Variants in UBA2 observed in about 807,000 individuals in gnomAD.
UBA2 encodes the protein ubiquitin like modifier activating enzyme 2.
In UBA2, 11 loss-of-function variants were observed where a neutral mutation model predicts 77.2. The ratio of observed to expected loss-of-function variants is 0.14; its 90% CI spans 0.09 to 0.24. UBA2 has a LOEUF of 0.24. Among genes scored for constraint, UBA2 ranks in the 10% least tolerant of loss-of-function variants. The pLI, the probability that UBA2 is intolerant of heterozygous loss-of-function variation, is 1.00. For synonymous variants in UBA2, 278 were observed against 276.7 expected, an observed-to-expected ratio of 1.00 and a Z score of -0.05; for missense variants, 487 against 781.7, an observed-to-expected ratio of 0.62 and a Z score of 4.50.
chr19:34,454,201 A>G, intron 10 of UBA2, 59 bp from the exon 11 acceptor site: 1 of 1,372,194 alleles, frequency 7.3e-7, no homozygotes, highest in Non-Finnish European at 1.0e-6. Context: ...TTCTGAAAGT[A>G]ATGCTTCAAA....
At chr19:34,448,323 T>C (rs1599911360) in intron 8 of UBA2, among the ~76,000 whole-genome samples, 1 of 152,106 alleles carries the variant, frequency 6.6e-6, no homozygotes, top group East Asian at 1.9e-4. Context: ...GGCTGGGCAC[T>C]GTGGCTTACA....
At chr19:34,434,083 T>TA in intron 4 of UBA2, among the ~76,000 whole-genome samples, 1 of 152,244 alleles carries the variant, frequency 6.6e-6, no homozygotes, top group South Asian at 2.1e-4. Flanking sequence ...GGGCCAGAAA[T>TA]ATCTAAATAA....
chr19:34,446,099 A>G (rs2075427409), intron 8 of UBA2, among the ~76,000 whole-genome samples: 2 of 151,826 alleles, frequency 1.3e-5, no homozygotes, highest in South Asian at 4.2e-4. Context: ...TTCAAGTCTC[A>G]AACTCCTGGG....
intron 7 of UBA2, 129 bp from the exon 8 acceptor site, chr19:34,444,871 C>T: frequency 1.1e-6 from 1 of 921,886 alleles, no homozygotes; most frequent in Non-Finnish European, 1.6e-6. Flanking sequence ...TTTTCTTATT[C>T]CTTGAACTCA....
At chr19:34,442,285 G>T (rs779763810) in intron 6 of UBA2, among the ~76,000 whole-genome samples, 1 of 152,102 alleles carries the variant, frequency 6.6e-6, no homozygotes, top group Non-Finnish European at 1.5e-5. Flanking sequence ...TTTTTCACTC[G>T]AAGGGAAACC....
intron 6 of UBA2, among the ~76,000 whole-genome samples, chr19:34,439,448 A>C (rs780144465): frequency 1.3e-5 from 2 of 152,236 alleles, no homozygotes; most frequent in Non-Finnish European, 2.9e-5. Context: ...ACAGATTTAC[A>C]TACATGAAGA....
chr19:34,454,168 AT>A, intron 10 of UBA2, 91 bp from the exon 11 acceptor site: 4 of 1,149,446 alleles, frequency 3.5e-6, no homozygotes, highest in African/African-American at 1.5e-5. Context: ...AGTCTATAGT[AT>A]TATAAACACG....
intron 15 of UBA2, 109 bp from the exon 16 acceptor site, chr19:34,466,769 C>A: frequency 2.6e-6 from 2 of 769,232 alleles, no homozygotes; most frequent in South Asian, 3.2e-5. Flanking sequence ...AATTAGAATC[C>A]ACATATTTGG....
At chr19:34,460,276 G>A (rs2075616513) in intron 13 of UBA2, among the ~76,000 whole-genome samples, 194 bp from the exon 14 acceptor site, 1 of 152,196 alleles carries the variant, frequency 6.6e-6, no homozygotes, top group Admixed American at 6.6e-5. Context: ...ATCTGCATCA[G>A]TGGTCAGATG....
intron 15 of UBA2, among the ~76,000 whole-genome samples, chr19:34,465,723 G>T (rs1369261279): frequency 6.6e-6 from 1 of 152,060 alleles, no homozygotes; most frequent in African/African-American, 2.4e-5. Context: ...AGTCAAAGTG[G>T]TCCTGCTTCA....
At chr19:34,442,420 A>G (rs527873812) in intron 6 of UBA2, among the ~76,000 whole-genome samples, 56 of 152,298 alleles carry the variant, frequency 3.7e-4, no homozygotes, top group Non-Finnish European at 6.9e-4. Flanking sequence ...AATAAAAAAT[A>G]CCATTAAGTA....
intron 2 of UBA2, 104 bp downstream of exon 2, chr19:34,430,763 C>G (rs1415607669): frequency 1.3e-6 from 1 of 781,138 alleles, no homozygotes; most frequent in African/African-American, 1.7e-5. Flanking sequence ...GGGTGAAGCT[C>G]TCATTTCAGC....
chr19:34,440,593 T>A (rs529440164), intron 6 of UBA2, among the ~76,000 whole-genome samples: 1 of 152,266 alleles, frequency 6.6e-6, no homozygotes, highest in African/African-American at 2.4e-5. Context: ...CTAGTCAGTC[T>A]CACACCTAAA....
At chr19:34,447,469 A>G (rs890680565) in intron 8 of UBA2, among the ~76,000 whole-genome samples, 14 of 152,252 alleles carry the variant, frequency 9.2e-5, no homozygotes, top group Non-Finnish European at 1.2e-4. Flanking sequence ...GGTCAACAGC[A>G]GTATCTTCCA....
rs1477126434 is a variant in UBA2 at position 34,444,078 on chromosome 19, G to A, written c.649+167G>A. Among the ~76,000 whole-genome samples the A allele has an allele frequency of 7.3e-5, 10 of 136,326 alleles. No individual in the cohort carries two copies. The East Asian group carries it at 1.3e-3, about 18-fold the overall frequency. The allele number at this position is 136,326 out of a possible 152,430, so 89.4% of individuals were successfully genotyped here. A position where few individuals can be genotyped will look rare whatever the true frequency, so the allele number is the denominator to read the frequency against. On this transcript the variant is annotated intron_variant, in intron 7 of 16. Transcript: ENST00000246548. ...TTTTTTTTTTTTTTTTGTCTCAGAG[G>A]TGGAGTTTCTCTCTTATTGCCCAGG...
chr19:34,437,253 C>A (rs539044099), intron 5 of UBA2, among the ~76,000 whole-genome samples: 1 of 150,914 alleles, frequency 6.6e-6, no homozygotes, highest in Non-Finnish European at 1.5e-5. Context: ...TGAGCCACCA[C>A]GCCCGGCCAG....
Position 34,465,466 on chromosome 19 carries a change from G to A in UBA2, c.1604+1335G>A, listed in dbSNP as rs186918698. 2.4e-3 allele frequency among the ~76,000 whole-genome samples: 368 copies of A among 151,982 alleles called. 1 individual carries two copies. Among genetic ancestry groups the A allele is most frequent in the Non-Finnish European group, 2.4e-3 (164 of 67,956 alleles). The stretch of plus-strand genomic sequence containing the variant: ...AGCCTGACCAACATGGTGAAACCCC[G>A]TCTCTACTAAAAATACAAAAATTAG... On this transcript the variant is annotated intron_variant, in intron 15 of 16. Transcript: ENST00000246548.
At position 34,446,235 on chromosome 19, in the gene UBA2, G is replaced by T. The variant is rs191883644; in HGVS notation, c.771+1114G>T. Reference sequence around the variant, plus strand: ...TCTCAGCTCTTATCAAACTGCCTCAGTATTCTTGCAACTCTCACTAAGCAG... The same window carrying T: ...TCTCAGCTCTTATCAAACTGCCTCATTATTCTTGCAACTCTCACTAAGCAG... On this transcript the variant is annotated intron_variant, in intron 8 of 16. Coordinates refer to ENST00000246548, the MANE Select transcript of UBA2 (RefSeq NM_005499.3). Among the ~76,000 whole-genome samples the T allele has an allele frequency of 3.3e-5, 5 of 152,272 alleles. No individual in the cohort carries two copies. The East Asian group carries it at 9.7e-4, about 29-fold the overall frequency.
At chr19:34,445,435 CTTT>C (rs67809236) in intron 8 of UBA2, among the ~76,000 whole-genome samples, 4 of 73,098 alleles carry the variant, frequency 5.5e-5, no homozygotes, top group Non-Finnish European at 8.1e-5. Flanking sequence ...CTCATCTTCA[CTTT>C]TTTTTTTTTT....
Sources: gnomAD v4.1 joint callset for allele counts (sites outside exome capture counted in the v4.1 genomes callset) on GRCh38, gnomAD v4.1.1 for gene constraint, MANE v1.5 for transcripts, NCBI Gene and HGNC (gene_info 2026-07-23, HGNC 2026-07-21) for gene names.